LRRC31: variants seen among roughly 807,000 people sequenced by gnomAD.
The protein encoded by LRRC31 is leucine-rich repeat-containing protein 31.
A neutral mutation model predicts 46.7 loss-of-function variants in LRRC31; 35 were observed. The ratio of observed to expected loss-of-function variants is 0.75; its 90% confidence interval spans 0.57 to 0.99. The LOEUF is 0.99. Ranked by LOEUF, LRRC31 falls within the 50% of genes least tolerant of loss-of-function variation. The pLI, the probability that LRRC31 is intolerant of heterozygous loss-of-function variation, is 0.00. For synonymous variants in LRRC31, 236 were observed against 235.1 expected (o/e 1.00, Z -0.03); for missense variants, 613 against 626.1 (o/e 0.98, Z 0.22).
intron 3 of LRRC31, among the ~76,000 whole-genome samples, chr3:169,858,271 C>A (rs1781033493): frequency 6.6e-6 from 1 of 152,132 alleles, no homozygotes; most frequent in South Asian, 2.1e-4. Flanking sequence ...AACATCAGAA[C>A]AACAACAGTG....
intron 8 of LRRC31, among the ~76,000 whole-genome samples, chr3:169,841,560 CCTAA>C (rs1324687862): frequency 6.6e-6 from 1 of 152,146 alleles, no homozygotes; most frequent in African/African-American, 2.4e-5. Flanking sequence ...ATTCTCAAGA[CCTAA>C]CTGTTAAAAC....
intron 6 of LRRC31, chr3:169,853,561 C>T: frequency 1.0e-6 from 1 of 985,676 alleles, no homozygotes; most frequent in Non-Finnish European, 1.2e-6. Context: ...ATCTGGTGGG[C>T]TAATAACTCT....
At chr3:169,844,483 C>T (rs1254812566) in intron 8 of LRRC31, among the ~76,000 whole-genome samples, 1 of 152,096 alleles carries the variant, frequency 6.6e-6, no homozygotes, top group Non-Finnish European at 1.5e-5. Flanking sequence ...TAACATCATA[C>T]TTAATGGTGA....
intron 3 of LRRC31, among the ~76,000 whole-genome samples, chr3:169,857,317 CCTATATAT>C (rs1353020751): frequency 7.2e-5 from 4 of 55,596 alleles, no homozygotes; most frequent in Admixed American, 2.5e-4. Context: ...ATATCACATG[CCTATATAT>C]ATATATATAT....
intron 8 of LRRC31, among the ~76,000 whole-genome samples, chr3:169,847,157 G>C (rs1780629576): frequency 6.6e-6 from 1 of 152,154 alleles, no homozygotes; most frequent in South Asian, 2.1e-4. Context: ...TAATGGGAAA[G>C]TGGAAACATA....
chr3:169,840,336 A>G (rs1361355750), intron 8 of LRRC31, 23 bp from the exon 9 acceptor site: 3 of 1,611,778 alleles, frequency 1.9e-6, no homozygotes, highest in Non-Finnish European at 2.5e-6. Flanking sequence ...ATCACTCTAA[A>G]TGCTAACATA....
intron 8 of LRRC31, among the ~76,000 whole-genome samples, chr3:169,846,646 TA>T (rs759248411): frequency 3.3e-4 from 43 of 132,150 alleles, no homozygotes; most frequent in Non-Finnish European, 3.4e-4. Flanking sequence ...AAACTCTGTC[TA>T]AAAAAAAAAA....
At position 169,846,140 on chromosome 3, in the gene LRRC31, G is replaced by A. The variant is rs141147006; in HGVS notation, c.1327+1980C>T. Among the ~76,000 whole-genome samples, 181 of 152,306 alleles carry A rather than the reference G, an allele frequency of 1.2e-3. 2 individuals carry two copies. Among genetic ancestry groups the A allele is most frequent in the African/African-American group, 4.2e-3 (175 of 41,580 alleles). ...ACATCATTGGTCATTAGGGAAATGC[G>A]AATTAAAATCACAATGTTTTGTCCC... On this transcript the variant is annotated intron_variant, in intron 8 of 8. Transcript: ENST00000316428.
chr3:169,862,256 T>C (rs780527363), intron 1 of LRRC31, among the ~76,000 whole-genome samples: 2 of 152,242 alleles, frequency 1.3e-5, no homozygotes, highest in Non-Finnish European at 2.9e-5. Flanking sequence ...ATCAAGGAGC[T>C]GCAAATGGCC....
At chr3:169,868,149 C>T (rs569870847) in intron 1 of LRRC31, among the ~76,000 whole-genome samples, 7 of 152,312 alleles carry the variant, frequency 4.6e-5, no homozygotes, top group South Asian at 4.1e-4. Context: ...CTGGCCCCAG[C>T]GACCTCTCTG....
chr3:169,853,765 G>C (rs1254330116), intron 6 of LRRC31: 1 of 948,808 alleles, frequency 1.1e-6, no homozygotes, highest in Admixed American at 6.2e-5. Context: ...TAAAAAGATA[G>C]ATGTATTAGA....
intron 3 of LRRC31, among the ~76,000 whole-genome samples, chr3:169,859,313 G>A (rs1011606296): frequency 6.6e-6 from 1 of 150,758 alleles, no homozygotes; most frequent in Non-Finnish European, 1.5e-5. Context: ...AAAAGGCCGG[G>A]GGGGCGGGTA....
In LRRC31 at chr3:169,840,247, A is replaced by T; in HGVS notation, c.1394T>A (p.Ile465Asn). 6.2e-7 allele frequency: 1 copy of T among 1,614,124 alleles called. No homozygotes were observed. Among genetic ancestry groups the T allele is most frequent in the East Asian group, 2.2e-5 (1 of 44,882 alleles). Residue 465 changes from isoleucine to asparagine, a missense_variant, in exon 9 of 9, where the codon ATC becomes AAC. Physicochemically the swap from Ile to Asn is moderately radical, Grantham distance 149 (BLOSUM62 -3). Transcript: ENST00000316428. ...QKLDLSYNDSICDAGWTMFCQ... is the reference protein window; with the variant it reads ...QKLDLSYNDSNCDAGWTMFCQ... Reference sequence around the variant, plus strand: ...GAACATGGTCCACCCCGCATCACAGATGCTGTCATTGTAGCTCAGGTCCAG... The same window carrying T: ...GAACATGGTCCACCCCGCATCACAGTTGCTGTCATTGTAGCTCAGGTCCAG...
chr3:169,858,685 G>T (rs989240463), intron 3 of LRRC31, among the ~76,000 whole-genome samples: 1 of 152,128 alleles, frequency 6.6e-6, no homozygotes, highest in Non-Finnish European at 1.5e-5. Context: ...TAAATTATTT[G>T]TTCATGTTCA....
At chr3:169,853,949 G>A (rs1057367528) in intron 6 of LRRC31, among the ~76,000 whole-genome samples, 9 of 152,220 alleles carry the variant, frequency 5.9e-5, no homozygotes, top group African/African-American at 1.7e-4. Flanking sequence ...GATGCCAAAC[G>A]AGACACCTCT....
At chr3:169,857,415 C>CACATATATATATATATATATATAT (rs1553924971) in intron 3 of LRRC31, among the ~76,000 whole-genome samples, 8 of 98,688 alleles carry the variant, frequency 8.1e-5, no homozygotes, top group African/African-American at 2.9e-4. Context: ...TATACATATA[C>CACATATATATATATATATATATAT]ATATATATAT....
At chr3:169,859,690 CTTGTT>C (rs1781086524) in intron 3 of LRRC31, among the ~76,000 whole-genome samples, 1 of 152,072 alleles carries the variant, frequency 6.6e-6, no homozygotes, top group Non-Finnish European at 1.5e-5. Context: ...ACTTAAAAAT[CTTGTT>C]TTGTTTAATG....
intron 7 of LRRC31, 106 bp from the exon 8 acceptor site, chr3:169,848,393 G>T: frequency 3.1e-6 from 3 of 957,272 alleles, no homozygotes; most frequent in Non-Finnish European, 4.6e-6. Flanking sequence ...TATAACTGGG[G>T]TTGAGAAAGT....
intron 1 of LRRC31, among the ~76,000 whole-genome samples, chr3:169,865,229 G>A (rs1365580530): frequency 2.0e-5 from 3 of 149,752 alleles, no homozygotes; most frequent in Non-Finnish European, 3.0e-5. Flanking sequence ...CAGCCTGGGC[G>A]ACAGAGTAAG....
Sources: allele counts gnomAD v4.1 joint callset (sites outside exome capture counted in the v4.1 genomes callset), GRCh38; gene constraint gnomAD v4.1.1; transcripts MANE v1.5; gene names NCBI Gene and HGNC (gene_info 2026-07-23, HGNC 2026-07-21).